PDXDC1: variants seen among roughly 807,000 people sequenced by gnomAD.
PDXDC1 encodes the protein pyridoxal-dependent decarboxylase domain-containing protein 1.
A neutral mutation model predicts 100.1 loss-of-function variants in PDXDC1; 42 were observed. That is an observed-to-expected ratio of 0.42 (90% CI 0.33 to 0.54). PDXDC1 has a LOEUF of 0.54. Among genes scored for constraint, PDXDC1 ranks in the 20% least tolerant of loss-of-function variants. PDXDC1 has a pLI of 0.10. For missense variants in PDXDC1, 636 were observed against 979.2 expected (o/e 0.65, Z 4.68); for synonymous variants, 260 against 371.7 (o/e 0.70, Z 3.46).
intron 16 of PDXDC1, chr16:15,131,337 G>C: frequency 1.9e-6 from 3 of 1,559,732 alleles, no homozygotes; most frequent in Non-Finnish European, 2.6e-6. Context: ...CCTTGGTGGA[G>C]ACGGTGTAGT....
intron 1 of PDXDC1, chr16:14,989,975 C>T (rs1284799616): frequency 8.9e-6 from 13 of 1,459,886 alleles, no homozygotes; most frequent in Admixed American, 5.3e-5. Context: ...GGCAGGCAGA[C>T]GGCTCGGTGG....
In PDXDC1 at chr16:14,975,126, G is replaced by A; in HGVS notation, c.-74G>A. The A allele has an allele frequency of 3.4e-6, 5 of 1,471,634 alleles. No homozygotes were observed. Among genetic ancestry groups the A allele is most frequent in the Non-Finnish European group, 1.8e-6 (2 of 1,121,814 alleles). 91.2% of individuals were successfully genotyped at this position (1,471,634 alleles called of 1,614,324 possible). ...CGCGGGGGACGTCAGCGCTGCCAGC[G>A]TGGAAGGAGCTGCGGGGCGCGGGAG... is the stretch of plus-strand genomic sequence containing the variant. On this transcript the variant is annotated 5_prime_UTR_variant, in exon 1 of 23. It adds an upstream start codon to the 5' untranslated region. Coordinates refer to ENST00000396410, the MANE Select transcript of PDXDC1 (RefSeq NM_015027.4).
At chr16:14,989,624 C>A (rs1970237144) in intron 1 of PDXDC1, 1 of 1,602,494 alleles carries the variant, frequency 6.2e-7, no homozygotes, top group South Asian at 1.1e-5. Flanking sequence ...GGCCGGACCC[C>A]GCGGCAAGGC....
rs2889568 is a variant in PDXDC1 at position 15,130,562 on chromosome 16, A to G, written c.1400-8317A>G. On this transcript the variant is annotated intron_variant, in intron 16 of 16. Coordinates refer to the PDXDC1 transcript ENST00000535621. ...TCCCCTCGCTGCCTGCCGTCCCCAC[A>G]GGGCCTGTAACCCGGGCAATGCTGA... 988 of 1,383,052 alleles carry G rather than the reference A, an allele frequency of 7.1e-4. 3 individuals carry two copies. Among genetic ancestry groups the G allele is most frequent in the East Asian group, 5.1e-3 (223 of 43,716 alleles). The allele number at this position is 1,383,052 out of a possible 1,614,324, so 85.7% of individuals were successfully genotyped here.
rs1325408191 is a variant in PDXDC1, at chr16:15,002,985, A to G, written c.242+1129A>G. 2.0e-5 allele frequency among the ~76,000 whole-genome samples: 3 copies of G among 152,388 alleles called. No homozygotes were observed. In the East Asian group the frequency reaches 5.8e-4, roughly 29 times the overall value. ...TATTTCTAGGAACTGTCTGTTGCCC[A>G]TGATCCTATTAGGTGATTTGTCTTT... On this transcript the variant is annotated intron_variant, in intron 4 of 22. Coordinates refer to ENST00000396410, the MANE Select transcript of PDXDC1 (RefSeq NM_015027.4).
intron 16 of PDXDC1, chr16:15,127,470 C>G: frequency 1.3e-6 from 2 of 1,564,736 alleles, no homozygotes; most frequent in Non-Finnish European, 1.7e-6. Context: ...CCCAGCCCAC[C>G]TTGCTCCGGG....
chr16:15,141,969 G>A (rs1485985688), downstream of PDXDC1, among the ~76,000 whole-genome samples: 1 of 152,164 alleles, frequency 6.6e-6, no homozygotes, highest in African/African-American at 2.4e-5. Context: ...GACCTGAGGC[G>A]CAGCAGCCCT....
intron 16 of PDXDC1, chr16:15,063,344 T>G: frequency 8.0e-7 from 1 of 1,254,956 alleles, no homozygotes; most frequent in Non-Finnish European, 1.2e-6. Flanking sequence ...TCAAAATTGG[T>G]TTGGATCTTT....
chr16:15,143,147 C>A (rs943223200), downstream of PDXDC1, among the ~76,000 whole-genome samples: 9 of 152,166 alleles, frequency 5.9e-5, no homozygotes, highest in Non-Finnish European at 1.2e-4. Context: ...CAGCGCCGAG[C>A]GTCCGATCTG....
chr16:14,997,244 G>T (rs1350297731), intron 1 of PDXDC1, among the ~76,000 whole-genome samples: 4 of 152,206 alleles, frequency 2.6e-5, no homozygotes, highest in Admixed American at 6.5e-5. Flanking sequence ...AATTCAAAAG[G>T]AACTTAAGGA....
the PDXDC1 span, among the ~76,000 whole-genome samples, chr16:15,150,216 C>T: frequency 6.6e-6 from 1 of 151,928 alleles, no homozygotes; most frequent in Admixed American, 6.6e-5. Context: ...TGGTGGCGGG[C>T]ACCAGTCCAG....
chr16:15,081,809 T>C (rs2045715566), intron 16 of PDXDC1, among the ~76,000 whole-genome samples: 1 of 152,244 alleles, frequency 6.6e-6, no homozygotes, highest in African/African-American at 2.4e-5. Context: ...TTACTCTTCA[T>C]GTAGGGCTTT....
chr16:15,089,569 G>A (rs570071808), intron 16 of PDXDC1, among the ~76,000 whole-genome samples: 1 of 152,098 alleles, frequency 6.6e-6, no homozygotes. Context: ...GGGAGGCCAA[G>A]GCGGGCGGAT....
intron 16 of PDXDC1, among the ~76,000 whole-genome samples, chr16:15,075,250 CAAAAAAA>C (rs56913254): frequency 2.9e-5 from 2 of 68,052 alleles, no homozygotes; most frequent in Non-Finnish European, 6.0e-5. Context: ...TGTGCCCCAC[CAAAAAAA>C]AAAAAAAAAA....
Position 15,109,768 on chromosome 16 carries a change from C to G in PDXDC1, c.1400-29111C>G, listed in dbSNP as rs1305130075. Among the ~76,000 whole-genome samples, 978 of 130,928 alleles carry G rather than the reference C, an allele frequency of 7.5e-3. 34 individuals are homozygous for G. Among genetic ancestry groups the G allele is most frequent in the Non-Finnish European group, 0.011 (686 of 62,476 alleles). The allele number at this position is 130,928 out of a possible 152,430, so 85.9% of individuals were successfully genotyped here. On this transcript the variant is annotated intron_variant, in intron 16 of 16. Transcript: ENST00000535621. Reference sequence around the variant, plus strand: ...TCGGGAAGCTGAGGCAGAATTGCTTCAAACTGGGAGGCAGAGGTTGCAGTG... The same window carrying G: ...TCGGGAAGCTGAGGCAGAATTGCTTGAAACTGGGAGGCAGAGGTTGCAGTG...
chr16:15,080,040 A>G, intron 16 of PDXDC1: 1 of 1,601,266 alleles, frequency 6.2e-7, no homozygotes, highest in Non-Finnish European at 8.5e-7. Context: ...CCAGAATTTC[A>G]TGCCTCAAGG....
chr16:15,042,258 T>TAA (rs1018101662), downstream of PDXDC1, among the ~76,000 whole-genome samples: 3 of 150,730 alleles, frequency 2.0e-5, no homozygotes, highest in Non-Finnish European at 4.4e-5. Flanking sequence ...CGATCTCTGC[T>TAA]CATCGCAGTC....
At chr16:15,080,959 T>G (rs1010543642) in intron 16 of PDXDC1, among the ~76,000 whole-genome samples, 3 of 152,190 alleles carry the variant, frequency 2.0e-5, no homozygotes, top group African/African-American at 7.2e-5. Flanking sequence ...TAGGGTTCAA[T>G]CATGTTGTAA....
In PDXDC1 at chr16:15,090,239, T is replaced by TA. The variant is rs937953528; in HGVS notation, c.1400-48630dup. 1.4e-3 allele frequency among the ~76,000 whole-genome samples: 205 copies of TA among 147,382 alleles called. 1 individual carries two copies. Among genetic ancestry groups the TA allele is most frequent in the African/African-American group, 4.0e-3 (161 of 40,256 alleles). On this transcript the variant is annotated intron_variant, in intron 16 of 16. Coordinates refer to the PDXDC1 transcript ENST00000535621. ...AAAAAAGTCCACTGAAATCAGCATG[T>TA]AAAAAAAAAACATGGGTAACCTGTC...
Sources: gnomAD v4.1 joint callset for allele counts (sites outside exome capture counted in the v4.1 genomes callset) on GRCh38, gnomAD v4.1.1 for gene constraint, MANE v1.5 for transcripts, NCBI Gene and HGNC (gene_info 2026-07-23, HGNC 2026-07-21) for gene names.